HESX1: variants seen among roughly 807,000 people sequenced by gnomAD.
The protein encoded by HESX1 is homeobox expressed in ES cells 1.
A neutral mutation model predicts 22.5 loss-of-function variants in HESX1; 11 were observed. That is an observed-to-expected ratio of 0.49 (90% CI 0.31 to 0.81). The LOEUF (loss-of-function observed/expected upper bound fraction) is 0.81, where lower values mean the gene tolerates loss of function less well. Ranked by LOEUF, HESX1 falls within the 30% of genes least tolerant of loss-of-function variation. The pLI is 0.05. For missense variants in HESX1, 201 were observed against 212.6 expected (o/e 0.95, Z 0.34); for synonymous variants, 74 against 76.5 (o/e 0.97, Z 0.17).
At chr3:57,207,933 G>A (rs1031660189) in intron 1 of HESX1, among the ~76,000 whole-genome samples, 2 of 152,228 alleles carry the variant, frequency 1.3e-5, no homozygotes, top group African/African-American at 2.4e-5. Flanking sequence ...CCAATCTGAC[G>A]CATAAAATAA....
chr3:57,225,903 C>T (rs1457404378), intron 1 of HESX1, among the ~76,000 whole-genome samples: 6 of 125,054 alleles, frequency 4.8e-5, no homozygotes, highest in Non-Finnish European at 8.2e-5. Flanking sequence ...TTTTTTGATA[C>T]GTAGTCTTGC....
chr3:57,199,250 G>T (rs1248992482), intron 1 of HESX1, among the ~76,000 whole-genome samples: 1 of 152,154 alleles, frequency 6.6e-6, no homozygotes, highest in African/African-American at 2.4e-5. Context: ...TCCTGTGAGT[G>T]AATTTATCCA....
rs763828628 is a variant in HESX1, at chr3:57,198,945, A to G, written c.165T>C (p.Asp55=). 1 of 1,614,068 alleles carries G rather than the reference A, an allele frequency of 6.2e-7. No individual in the cohort carries two copies. The highest frequency in any genetic ancestry group is 1.1e-5 in the South Asian group (1 of 91,088). ...TTGGGACATGTAGACATAAGTTACC[A>G]TCTTTCCCTAAAAACAAAAAAATAA... ...WADTCSSSGK[D]GNLCLHVPNP... is the part of the protein sequence containing the mutation. The change falls in exon 2 of 4, where the codon GAT becomes GAC. Residue 55 remains aspartate, a synonymous_variant. Transcript: ENST00000295934.
chr3:57,204,426 G>A (rs930947426), upstream of HESX1, among the ~76,000 whole-genome samples: 2 of 152,154 alleles, frequency 1.3e-5, no homozygotes, highest in African/African-American at 4.8e-5. Flanking sequence ...AGGGAGGTGA[G>A]GGAAAGGAAG....
At chr3:57,226,665 T>C (rs3806623), upstream of HESX1, 70 of 152,366 alleles carry the variant, frequency 4.6e-4, 1 homozygote, top group East Asian at 6.9e-3. Context: ...GGATTTGAGC[T>C]ACTACTATTC....
chr3:57,213,652 C>T (rs1200024166), intron 1 of HESX1, among the ~76,000 whole-genome samples: 3 of 152,160 alleles, frequency 2.0e-5, no homozygotes, highest in Non-Finnish European at 2.9e-5. Flanking sequence ...TCTGGCCAGG[C>T]GCGGTGGCTC....
At position 57,199,773 on chromosome 3, in the gene HESX1, C is replaced by T; in HGVS notation, c.146G>A (p.Cys49Tyr). ...AAGCTGTGGCATACCTGATGAGCTG[C>T]AGGTGTCTGCCCAGGGCCTGTGGGG... is the stretch of plus-strand genomic sequence containing the variant. ...MKPHRPWADTCSSSGKDGNLC... is the reference protein window; with the variant it reads ...MKPHRPWADTYSSSGKDGNLC... Residue 49 changes from cysteine (C) to tyrosine (Y), a missense_variant, in exon 1 of 4, where the codon TGC (cysteine) becomes TAC (tyrosine). Coordinates refer to ENST00000295934, the MANE Select transcript of HESX1 (RefSeq NM_003865.3). 6.2e-7 allele frequency: 1 copy of T among 1,614,118 alleles called. No individual in the cohort carries two copies. Among genetic ancestry groups the T allele is most frequent in the East Asian group, 2.2e-5 (1 of 44,892 alleles).
chr3:57,222,942 A>T lies in HESX1; in HGVS notation c.-111+3354T>A, dbSNP rs963736004. Among the ~76,000 whole-genome samples, 4 of 152,308 alleles carry T rather than the reference A, an allele frequency of 2.6e-5. No individual in the cohort carries two copies. The South Asian group carries it at 6.2e-4, about 24-fold the overall frequency. ...TCTGATTTAAAAAATATTAGTTTTTAAAAAAATATGATAGAGACAAAAAAG... is the reference window on the plus strand; with the variant it reads ...TCTGATTTAAAAAATATTAGTTTTTTAAAAAATATGATAGAGACAAAAAAG... On this transcript the variant is annotated intron_variant, in intron 1 of 2. Transcript: ENST00000495160.
chr3:57,204,904 C>T (rs1482668331), upstream of HESX1, among the ~76,000 whole-genome samples: 2 of 151,682 alleles, frequency 1.3e-5, no homozygotes, highest in African/African-American at 4.8e-5. Flanking sequence ...AGAAGTGGTA[C>T]TGGAAAAGGA....
At chr3:57,205,342 C>T (rs1448349493) in intron 1 of HESX1, among the ~76,000 whole-genome samples, 1 of 152,072 alleles carries the variant, frequency 6.6e-6, no homozygotes, top group African/African-American at 2.4e-5. Flanking sequence ...CCCATGAGGT[C>T]AAGGCTGCTG....
At chr3:57,208,811 A>G (rs2060534608) in intron 1 of HESX1, among the ~76,000 whole-genome samples, 1 of 151,790 alleles carries the variant, frequency 6.6e-6, no homozygotes, top group Non-Finnish European at 1.5e-5. Flanking sequence ...AAATACAAAA[A>G]TTAGCCGGGC....
chr3:57,216,051 T>C (rs74969514), intron 1 of HESX1, among the ~76,000 whole-genome samples: 1,691 of 152,302 alleles, frequency 0.011, 13 homozygotes, highest in Non-Finnish European at 0.017. Flanking sequence ...TCCTCCTATA[T>C]AATCACAATC....
In HESX1 at chr3:57,198,380, T is replaced by G; in HGVS notation, c.459+11A>C. ...TCAACATCATGAATAACAACTAAATTTGAAAATTACCTGGATTCTGTCTTC... is the reference window on the plus strand; with the variant it reads ...TCAACATCATGAATAACAACTAAATGTGAAAATTACCTGGATTCTGTCTTC... On this transcript the variant is annotated intron_variant, in intron 3 of 3. Coordinates refer to ENST00000295934, the MANE Select transcript of HESX1 (RefSeq NM_003865.3). The G allele has an allele frequency of 6.3e-7, 1 of 1,576,542 alleles. No individual in the cohort carries two copies. Among genetic ancestry groups the G allele is most frequent in the South Asian group, 1.1e-5 (1 of 90,222 alleles).
intron 1 of HESX1, among the ~76,000 whole-genome samples, chr3:57,225,683 T>C (rs1006074045): frequency 2.6e-5 from 4 of 152,008 alleles, no homozygotes; most frequent in African/African-American, 9.7e-5. Flanking sequence ...AAGAATTCCT[T>C]GCCATTCTGC....
upstream of HESX1, chr3:57,200,004 C>T (rs1033591047): frequency 1.8e-6 from 2 of 1,142,238 alleles, no homozygotes; most frequent in Admixed American, 1.7e-5. Context: ...CTGCAGTTCA[C>T]CTTATAGCTC....
intron 1 of HESX1, among the ~76,000 whole-genome samples, chr3:57,208,529 T>C (rs887607772): frequency 6.6e-6 from 1 of 151,846 alleles, no homozygotes; most frequent in African/African-American, 2.4e-5. Context: ...GTATTTTTTT[T>C]AGTAGAGATG....
chr3:57,211,661 C>T (rs1200094555), intron 1 of HESX1, among the ~76,000 whole-genome samples: 2 of 151,536 alleles, frequency 1.3e-5, no homozygotes, highest in Middle Eastern at 3.4e-3. Context: ...GGTGAAACCC[C>T]GTCCCTACTA....
rs544122726 is a variant in HESX1, at chr3:57,198,801, C to A, written c.309G>T (p.Leu103Phe). Reference protein sequence around the residue: ...ASERLSLKRELSWYRGRRPRT... With the variant: ...ASERLSLKREFSWYRGRRPRT... ...TTGGTCTTCGGCCTCTATACCAACT[C>A]AACTCTCTTTTCAAAGACAGTCTTT... The change falls in exon 2 of 4, where the codon TTG (leucine) becomes TTT (phenylalanine). Residue 103 changes from leucine to phenylalanine, a missense_variant. By Grantham distance (22) the Leu-to-Phe change is conservative. Coordinates refer to ENST00000295934, the MANE Select transcript of HESX1 (RefSeq NM_003865.3). The A allele has an allele frequency of 3.1e-6, 5 of 1,614,140 alleles. No homozygotes were observed. The highest frequency in any genetic ancestry group is 1.3e-5 in the African/African-American group (1 of 75,034).
At chr3:57,208,055 TC>T (rs1267016140) in intron 1 of HESX1, among the ~76,000 whole-genome samples, 2 of 152,178 alleles carry the variant, frequency 1.3e-5, no homozygotes, top group Non-Finnish European at 1.5e-5. Context: ...AGCCCATTTT[TC>T]TATTAAAGTG....
Sources: gnomAD v4.1 joint callset for allele counts (sites outside exome capture counted in the v4.1 genomes callset) on GRCh38, gnomAD v4.1.1 for gene constraint, MANE v1.5 for transcripts, NCBI Gene and HGNC (gene_info 2026-07-23, HGNC 2026-07-21) for gene names.